ABCA4: variants seen among roughly 807,000 people sequenced by gnomAD.
ABCA4 encodes retinal-specific phospholipid-transporting ATPase ABCA4.
In ABCA4, 196 loss-of-function variants were observed where a neutral mutation model predicts 263.7. The ratio of observed to expected loss-of-function variants is 0.74; its 90% CI spans 0.66 to 0.84. ABCA4 has a LOEUF of 0.84. Ranked by LOEUF, ABCA4 falls within the 40% of genes least tolerant of loss-of-function variation. The pLI is 0.00. For synonymous variants in ABCA4, 1,133 were observed against 1,094.2 expected (o/e 1.04, Z -0.70); for missense variants, 2,792 against 2,855.1 (o/e 0.98, Z 0.50).
intron 2 of ABCA4, among the ~76,000 whole-genome samples, chr1:94,112,465 C>A (rs896683118): frequency 1.3e-5 from 2 of 152,192 alleles, no homozygotes; most frequent in African/African-American, 4.8e-5. Flanking sequence ...CCCTTAGTAA[C>A]TACACACAAG....
intron 44 of ABCA4, among the ~76,000 whole-genome samples, chr1:94,003,829 G>C (rs1659281967): frequency 6.6e-6 from 1 of 151,866 alleles, no homozygotes; most frequent in Admixed American, 6.6e-5. Context: ...GTAGAGACAG[G>C]GTCTCCCTAT....
At chr1:94,111,118 C>T (rs1662588193) in intron 3 of ABCA4, among the ~76,000 whole-genome samples, 2 of 152,220 alleles carry the variant, frequency 1.3e-5, no homozygotes, top group South Asian at 4.1e-4. Context: ...ATGATTCACT[C>T]CACCCAAGCA....
chr1:94,090,516 C>T (rs548063074), intron 6 of ABCA4, among the ~76,000 whole-genome samples: 2 of 152,238 alleles, frequency 1.3e-5, no homozygotes, highest in African/African-American at 4.8e-5. Context: ...TGGCCAGAGT[C>T]AACTCATTTC....
chr1:94,062,786 C>A (rs182370278), intron 12 of ABCA4, 33 bp from the exon 13 acceptor site: 1 of 1,608,616 alleles, frequency 6.2e-7, no homozygotes, highest in Non-Finnish European at 8.5e-7. Context: ...AGGATGGGAA[C>A]GGGCTTGGAT....
At chr1:94,005,854 TCA>T (rs1216961767) in intron 43 of ABCA4, among the ~76,000 whole-genome samples, 2 of 152,204 alleles carry the variant, frequency 1.3e-5, no homozygotes, top group Non-Finnish European at 2.9e-5. Context: ...TCAGATCACC[TCA>T]CATGTGAGTT....
In ABCA4 at chr1:94,077,751, T is replaced by C. The variant is rs147135304; in HGVS notation, c.1493A>G (p.Asp498Gly). 130 of 1,614,028 alleles carry C rather than the reference T, an allele frequency of 8.1e-5. No individual in the cohort carries two copies. Among genetic ancestry groups the C allele is most frequent in the Non-Finnish European group, 1.1e-4 (129 of 1,180,016 alleles). ...AGTGATGTTAAATATGTCCCTCCAG[T>C]CGAAGTTGGCCATGTCGTCAGCCTG... Reference protein sequence around the residue: ...ESQADDMANFDWRDIFNITDR... With the variant: ...ESQADDMANFGWRDIFNITDR... The change falls in exon 11 of 50, where the codon GAC becomes GGC. Residue 498 changes from aspartate (D) to glycine (G), a missense_variant. Asp to Gly is a moderately conservative substitution (Grantham distance 94, BLOSUM62 -1). Coordinates refer to ENST00000370225, the MANE Select transcript of ABCA4 (RefSeq NM_000350.3).
chr1:93,994,338 G>A (rs1350194992), intron 49 of ABCA4, among the ~76,000 whole-genome samples: 2 of 152,174 alleles, frequency 1.3e-5, no homozygotes, highest in Admixed American at 1.3e-4. Flanking sequence ...GGAGTCCTTT[G>A]GAGAGTAAAA....
At chr1:94,024,570 T>C (rs1459761314) in intron 31 of ABCA4, among the ~76,000 whole-genome samples, 1 of 152,168 alleles carries the variant, frequency 6.6e-6, no homozygotes, top group Non-Finnish European at 1.5e-5. Flanking sequence ...CTTTTTCTTC[T>C]ACCTTTTCCC....
Position 94,060,671 on chromosome 1 carries a change from A to G in ABCA4, c.2026T>C (p.Leu676=). 10 of 1,614,114 alleles carry G rather than the reference A, an allele frequency of 6.2e-6. No individual in the cohort carries two copies. Among genetic ancestry groups the G allele is most frequent in the Non-Finnish European group, 8.5e-6 (10 of 1,179,992 alleles). The change falls in exon 14 of 50, where the codon TTG becomes CTG. Residue 676 remains leucine, a synonymous_variant. Transcript: ENST00000370225. The part of the protein sequence containing the change: ...SVSMTVKSIV[L]EKELRLKETL... ...TCCTTCAGTCGCAACTCCTTCTCCA[A>G]GACGATGCTCTTCACAGTCATGGAG...
chr1:94,114,434 G>A (rs567312796), intron 1 of ABCA4, among the ~76,000 whole-genome samples: 54 of 152,146 alleles, frequency 3.5e-4, no homozygotes, highest in African/African-American at 1.3e-3. Context: ...GTTGGAGGAA[G>A]CGCGCACACA....
rs146497266 is a variant in ABCA4, at chr1:94,106,178, C to G, written c.442+2399G>C. On this transcript the variant is annotated intron_variant, in intron 4 of 49. Transcript: ENST00000370225. ...GCCAACCTTTCCTGAGCCCTTGTCC[C>G]CAGATTTGCTCTGTTAGGGACTTCT... is the stretch of plus-strand genomic sequence containing the variant. Among the ~76,000 whole-genome samples the G allele has an allele frequency of 6.8e-3, 1,034 of 152,316 alleles. 15 individuals carry two copies. The highest frequency in any genetic ancestry group is 0.023 in the African/African-American group (949 of 41,568).
chr1:94,121,057 C>A lies in ABCA4; in HGVS notation c.-12G>T. ...CTCACGAAGCCCATGCTAATGACCACACGAAGACCAGATTGGTCAGAGCTG... is the reference window on the plus strand; with the variant it reads ...CTCACGAAGCCCATGCTAATGACCAAACGAAGACCAGATTGGTCAGAGCTG... On this transcript the variant is annotated 5_prime_UTR_variant, in exon 1 of 50. Transcript: ENST00000370225. 6.2e-7 allele frequency: 1 copy of A among 1,614,084 alleles called. No individual in the cohort carries two copies. The highest frequency in any genetic ancestry group is 8.5e-7 in the Non-Finnish European group (1 of 1,179,946).
In ABCA4 at chr1:94,031,232, G is replaced by T. The variant is rs1571264791; in HGVS notation, c.4129-112C>A. 8 of 1,433,316 alleles carry T rather than the reference G, an allele frequency of 5.6e-6. No individual in the cohort carries two copies. In the East Asian group the frequency reaches 1.7e-4, roughly 30 times the overall value. 88.8% of individuals were successfully genotyped at this position (1,433,316 alleles called of 1,614,324 possible). The stretch of plus-strand genomic sequence containing the variant: ...CATTTATCCTGCAGCCTCCTAATCA[G>T]CCCCTGGTGGAGAGGGTTGGGCTTC... On this transcript the variant is annotated intron_variant, in intron 27 of 49. Transcript: ENST00000370225.
At chr1:94,104,746 C>T (rs1570427832) in intron 4 of ABCA4, among the ~76,000 whole-genome samples, 2 of 152,262 alleles carry the variant, frequency 1.3e-5, no homozygotes, top group South Asian at 2.1e-4. Context: ...GACACAGGGC[C>T]CGAAGGGAGG....
At position 94,064,237 on chromosome 1, in the gene ABCA4, A is replaced by G. The variant is rs115847022; in HGVS notation, c.1555-920T>C. 3.4e-3 allele frequency among the ~76,000 whole-genome samples: 514 copies of G among 152,374 alleles called. 2 individuals are homozygous for G. The highest frequency in any genetic ancestry group is 0.012 in the African/African-American group (497 of 41,584). On this transcript the variant is annotated intron_variant, in intron 11 of 49. Coordinates refer to ENST00000370225, the MANE Select transcript of ABCA4 (RefSeq NM_000350.3). ...GACTCTAGGAATACAAGAAGGAAAG[A>G]TAAACATCTCTTCCTGAAAGAAAGT... is the stretch of plus-strand genomic sequence containing the variant.
In ABCA4 at chr1:94,016,229, A is replaced by G. The variant is rs371128185; in HGVS notation, c.5197-375T>C. ...TGGCTTCACAAAGCTCAAATAAATAATGATACCCTTTTTAAACAATTTAGT... is the reference window on the plus strand; with the variant it reads ...TGGCTTCACAAAGCTCAAATAAATAGTGATACCCTTTTTAAACAATTTAGT... On this transcript the variant is annotated intron_variant, in intron 36 of 49. Coordinates refer to ENST00000370225, the MANE Select transcript of ABCA4 (RefSeq NM_000350.3). Among the ~76,000 whole-genome samples the G allele has an allele frequency of 1.2e-4, 19 of 152,356 alleles. 1 individual carries two copies. Among genetic ancestry groups the G allele is most frequent in the Admixed American group, 7.2e-4 (11 of 15,312 alleles).
At chr1:94,083,476 T>C (rs770915607) in intron 6 of ABCA4, 35 bp from the exon 7 acceptor site, 2 of 1,511,680 alleles carry the variant, frequency 1.3e-6, no homozygotes, top group South Asian at 2.2e-5. Context: ...TTTAAATATA[T>C]ATATGTTTGT....
At chr1:94,072,375 A>G (rs1292324388) in intron 11 of ABCA4, among the ~76,000 whole-genome samples, 1 of 152,332 alleles carries the variant, frequency 6.6e-6, no homozygotes, top group Admixed American at 6.5e-5. Context: ...TCAGCTTCCT[A>G]TATCAGCTTC....
In ABCA4 at chr1:94,030,981, C is replaced by A. The variant is rs758134570; in HGVS notation, c.4253+15G>T. ...CAAACCCACAGAGGAGAATGGTGAC[C>A]CCGAGTCCGCGCACCTGAAGAAGGT... On this transcript the variant is annotated intron_variant, in intron 28 of 49. Transcript: ENST00000370225. 1 of 1,613,752 alleles carries A rather than the reference C, an allele frequency of 6.2e-7. No individual in the cohort carries two copies. The highest frequency in any genetic ancestry group is 2.2e-5 in the East Asian group (1 of 44,852).
Sources: allele counts gnomAD v4.1 joint callset (sites outside exome capture counted in the v4.1 genomes callset), GRCh38; gene constraint gnomAD v4.1.1; transcripts MANE v1.5; gene names NCBI Gene and HGNC (gene_info 2026-07-23, HGNC 2026-07-21).